The following PIGK variants were observed in gnomAD, a reference collection of about 807,000 sequenced individuals.
The protein encoded by PIGK is phosphatidylinositol glycan anchor biosynthesis class K.
PIGK carries 42 observed loss-of-function variants against 50.6 expected under a neutral mutation model. That is an observed-to-expected ratio of 0.83 (90% CI 0.65 to 1.07). The LOEUF is 1.07. Ranked by LOEUF, PIGK falls within the 50% of genes least tolerant of loss-of-function variation. The pLI is 0.00. For synonymous variants in PIGK, 151 were observed against 156.0 expected (o/e 0.97, Z 0.24); for missense variants, 448 against 488.7 (o/e 0.92, Z 0.78).
At chr1:77,198,198 C>G (rs1487464386) in intron 3 of PIGK, among the ~76,000 whole-genome samples, 1 of 151,852 alleles carries the variant, frequency 6.6e-6, no homozygotes, top group Non-Finnish European at 1.5e-5. Flanking sequence ...TTCATTTATC[C>G]TTTTTCTTTA....
intron 2 of PIGK, among the ~76,000 whole-genome samples, chr1:77,209,473 C>G (rs915061105): frequency 6.6e-6 from 1 of 151,934 alleles, no homozygotes; most frequent in African/African-American, 2.4e-5. Context: ...GACCAGCAGT[C>G]AAAAAGTTAA....
rs765230358 is a variant in PIGK, at chr1:77,219,295, G to A, written c.93+15C>T. On this transcript the variant is annotated intron_variant, in intron 1 of 10. Coordinates refer to ENST00000370812, the MANE Select transcript of PIGK (RefSeq NM_005482.3). ...GCCGGCCTCCCGGCTGTGGTCAAAT[G>A]AGCCTGACTCCTACCTCGATATGAC... is the stretch of plus-strand genomic sequence containing the variant. The A allele has an allele frequency of 6.2e-7, 1 of 1,609,448 alleles. No individual in the cohort carries two copies. The highest frequency in any genetic ancestry group is 1.3e-5 in the African/African-American group (1 of 74,812).
At position 77,092,335 on chromosome 1, in the gene PIGK, G is replaced by T; in HGVS notation, c.*39C>A. Reference sequence around the variant, plus strand: ...TATAATGACATAAATTATTATCCAAGTTTGCAGTCCTCCATGCATTCTTCA... The same window carrying T: ...TATAATGACATAAATTATTATCCAATTTTGCAGTCCTCCATGCATTCTTCA... On this transcript the variant is annotated 3_prime_UTR_variant, in exon 11 of 11. Coordinates refer to ENST00000370812, the MANE Select transcript of PIGK (RefSeq NM_005482.3). The T allele has an allele frequency of 2.4e-6, 2 of 820,948 alleles. No homozygotes were observed. Among genetic ancestry groups the T allele is most frequent in the Non-Finnish European group, 4.0e-6 (2 of 504,742 alleles). 50.9% of individuals were successfully genotyped at this position (820,948 alleles called of 1,614,324 possible). A position where few individuals can be genotyped will look rare whatever the true frequency, so the allele number is the denominator to read the frequency against.
At chr1:77,194,827 C>A in intron 3 of PIGK, 4 of 368,160 alleles carry the variant, frequency 1.1e-5, no homozygotes, top group South Asian at 2.3e-5. Flanking sequence ...ACTCAGTGAC[C>A]AGGTCATCAA....
intron 8 of PIGK, among the ~76,000 whole-genome samples, chr1:77,159,455 C>A (rs367930325): frequency 1.3e-5 from 2 of 152,136 alleles, no homozygotes; most frequent in African/African-American, 4.8e-5. Context: ...AGAGGGCCAC[C>A]GTCCTCCAGG....
At chr1:77,144,081 T>C (rs1557804736) in intron 9 of PIGK, among the ~76,000 whole-genome samples, 1 of 152,078 alleles carries the variant, frequency 6.6e-6, no homozygotes, top group Non-Finnish European at 1.5e-5. Flanking sequence ...ACATAGCTAG[T>C]AAACGGCAGA....
intron 10 of PIGK, among the ~76,000 whole-genome samples, chr1:77,100,348 T>C (rs1653513978): frequency 6.6e-6 from 1 of 152,234 alleles, no homozygotes; most frequent in African/African-American, 2.4e-5. Context: ...TGGTGGTTTA[T>C]TAGTATTTCC....
rs150017725 is a variant in PIGK at position 77,146,644 on chromosome 1, A to G, written c.986+7805T>C. On this transcript the variant is annotated intron_variant, in intron 9 of 10. Coordinates refer to ENST00000370812, the MANE Select transcript of PIGK (RefSeq NM_005482.3). ...AACCCCGTCTCTACTAAAATACAAA[A>G]AAATTAGCCAGGCATGGCAGCATGC... 2.5e-3 allele frequency among the ~76,000 whole-genome samples: 388 copies of G among 152,302 alleles called. 2 individuals are homozygous for G. The highest frequency in any genetic ancestry group is 8.3e-3 in the African/African-American group (344 of 41,558).
intron 2 of PIGK, among the ~76,000 whole-genome samples, chr1:77,207,500 A>G (rs778644716): frequency 2.6e-5 from 4 of 152,220 alleles, no homozygotes; most frequent in Non-Finnish European, 5.9e-5. Context: ...ATAACATATA[A>G]AACAGTTGTA....
chr1:77,144,359 C>T lies in PIGK; in HGVS notation c.986+10090G>A, dbSNP rs950705421. Reference sequence around the variant, plus strand: ...TTTTCCATATGATACAGAACTTTATCGTCTAAAAATCCAAATGAATTTGCC... The same window carrying T: ...TTTTCCATATGATACAGAACTTTATTGTCTAAAAATCCAAATGAATTTGCC... On this transcript the variant is annotated intron_variant, in intron 9 of 10. Transcript: ENST00000370812. Among the ~76,000 whole-genome samples, 6 of 151,910 alleles carry T rather than the reference C, an allele frequency of 3.9e-5. No homozygotes were observed. The East Asian group carries it at 1.2e-3, about 29-fold the overall frequency.
At chr1:77,120,485 G>T (rs1429999544) in intron 10 of PIGK, among the ~76,000 whole-genome samples, 3 of 152,150 alleles carry the variant, frequency 2.0e-5, no homozygotes, top group Non-Finnish European at 4.4e-5. Context: ...CTCCCAAAGG[G>T]CTGGGATTAT....
At chr1:77,175,998 A>C (rs1293478814) in intron 3 of PIGK, among the ~76,000 whole-genome samples, 1 of 152,152 alleles carries the variant, frequency 6.6e-6, no homozygotes, top group Non-Finnish European at 1.5e-5. Flanking sequence ...TGTAATATTA[A>C]AGGATAATAA....
chr1:77,163,705 A>T, intron 6 of PIGK, 141 bp downstream of exon 6: 1 of 582,540 alleles, frequency 1.7e-6, no homozygotes, highest in South Asian at 2.2e-5. Flanking sequence ...GTTCAGAGGA[A>T]ATAACAAATG....
At chr1:77,213,928 A>T (rs1557434317) in intron 1 of PIGK, among the ~76,000 whole-genome samples, 1 of 143,790 alleles carries the variant, frequency 7.0e-6, no homozygotes, top group Non-Finnish European at 1.5e-5. Flanking sequence ...ACACTGGAAA[A>T]TCTAGAAGAA....
At chr1:77,158,258 C>T (rs1409565206) in intron 8 of PIGK, among the ~76,000 whole-genome samples, 3 of 151,962 alleles carry the variant, frequency 2.0e-5, no homozygotes, top group Non-Finnish European at 4.4e-5. Context: ...CTCAAGTAAT[C>T]CGCCCACCTC....
chr1:77,113,150 T>C (rs1653891934), intron 10 of PIGK, among the ~76,000 whole-genome samples: 1 of 151,972 alleles, frequency 6.6e-6, no homozygotes, highest in African/African-American at 2.4e-5. Context: ...TTAATGTCTT[T>C]AATATTTATA....
intron 9 of PIGK, among the ~76,000 whole-genome samples, chr1:77,148,558 A>G (rs1654821104): frequency 6.6e-6 from 1 of 152,168 alleles, no homozygotes; most frequent in Non-Finnish European, 1.5e-5. Flanking sequence ...ATAACAAAAC[A>G]ATTTGTCAAC....
chr1:77,212,665 T>G lies in PIGK; in HGVS notation c.94-2176A>C, dbSNP rs112583738. Among the ~76,000 whole-genome samples the G allele has an allele frequency of 4.8e-3, 725 of 152,258 alleles. 4 individuals are homozygous for G. Among genetic ancestry groups the G allele is most frequent in the Middle Eastern group, 0.027 (8 of 294 alleles). ...AAAAGGGAGCAGGAGTAGCTGTACTTAGATCAGATAAAAGACTTTAAATCA... is the reference window on the plus strand; with the variant it reads ...AAAAGGGAGCAGGAGTAGCTGTACTGAGATCAGATAAAAGACTTTAAATCA... On this transcript the variant is annotated intron_variant, in intron 1 of 10. Transcript: ENST00000370812.
intron 10 of PIGK, among the ~76,000 whole-genome samples, chr1:77,117,446 C>T (rs1032200222): frequency 4.6e-5 from 7 of 152,146 alleles, no homozygotes; most frequent in African/African-American, 1.7e-4. Flanking sequence ...CTGGTATCTT[C>T]GGGGAGGAAT....
Sources: allele counts gnomAD v4.1 joint callset (sites outside exome capture counted in the v4.1 genomes callset), GRCh38; gene constraint gnomAD v4.1.1; transcripts MANE v1.5; gene names NCBI Gene and HGNC (gene_info 2026-07-23, HGNC 2026-07-21).